The following KCNQ2 variants were observed in gnomAD, a reference collection of about 807,000 sequenced individuals.
KCNQ2 encodes potassium voltage-gated channel subfamily KQT member 2.
A neutral mutation model predicts 84.8 loss-of-function variants in KCNQ2; 14 were observed. The observed-to-expected ratio is 0.17, with a 90% CI of 0.11 to 0.26. The LOEUF (loss-of-function observed/expected upper bound fraction) is 0.26. Among genes scored for constraint, KCNQ2 ranks in the 10% least tolerant of loss-of-function variants. The pLI is 1.00. For missense variants in KCNQ2, 788 were observed against 1,254.0 expected (o/e 0.63, Z 5.61); for synonymous variants, 599 against 554.1 (o/e 1.08, Z -1.14).
chr20:63,406,750 T>C lies in KCNQ2; in HGVS notation c.2513A>G (p.Glu838Gly), dbSNP rs1384676346. Reference protein sequence around the residue: ...AKVRPYIAEGESDTDSDLCTP... With the variant: ...AKVRPYIAEGGSDTDSDLCTP... ...ACAGAGGTCGGAGTCGGTGTCTGAC[T>C]CTCCCTCCGCAATGTAGGGCCTGAC... is the stretch of plus-strand genomic sequence containing the variant. The change falls in exon 17 of 17, where the codon GAG (glutamate) becomes GGG (glycine). Residue 838 changes from glutamate to glycine, a missense_variant. Glu to Gly is a moderately conservative substitution (Grantham distance 98, BLOSUM62 -2). This residue lies in a region of KCNQ2 where 378 missense variants were observed against 434.5 expected (regional missense o/e 0.87). Coordinates refer to ENST00000359125, the MANE Select transcript of KCNQ2 (RefSeq NM_172107.4). The C allele has an allele frequency of 6.2e-7, 1 of 1,611,802 alleles. No individual in the cohort carries two copies. The highest frequency in any genetic ancestry group is 8.5e-7 in the Non-Finnish European group (1 of 1,179,676).
chr20:63,435,070 A>T (rs78665256), intron 7 of KCNQ2, among the ~76,000 whole-genome samples: 1 of 152,100 alleles, frequency 6.6e-6, no homozygotes, highest in Non-Finnish European at 1.5e-5. Context: ...GGCGGTGTCC[A>T]CACATCCTCA....
Position 63,402,507 on chromosome 20 carries a change from T to G in KCNQ2, c.*4137A>C, listed in dbSNP as rs932412461. ...TCTAGAGAGAAGGGGGTGTCCTTTA[T>G]GGGGGTCCCTGACTGTGGGGGACCG... On this transcript the variant is annotated 3_prime_UTR_variant, in exon 17 of 17. Coordinates refer to ENST00000359125, the MANE Select transcript of KCNQ2 (RefSeq NM_172107.4). The G allele has an allele frequency of 1.3e-5, 2 of 152,406 alleles. No homozygotes were observed. The highest frequency in any genetic ancestry group is 4.8e-5 in the African/African-American group (2 of 41,472). The allele number at this position is 152,406 out of a possible 1,614,324, so 9.4% of individuals were successfully genotyped here.
intron 7 of KCNQ2, among the ~76,000 whole-genome samples, chr20:63,435,793 ACT>A (rs2080976029): frequency 6.6e-6 from 1 of 152,078 alleles, no homozygotes. Flanking sequence ...GAGCCAGTGA[ACT>A]CTGTTTCCAA....
intron 1 of KCNQ2, among the ~76,000 whole-genome samples, chr20:63,455,934 G>A (rs566921274): frequency 1.2e-4 from 10 of 85,752 alleles, no homozygotes; most frequent in Non-Finnish European, 1.7e-4. Flanking sequence ...CTCTGCTCAC[G>A]GGCCCCCCAC....
intron 8 of KCNQ2, 106 bp downstream of exon 8, chr20:63,433,703 G>GA (rs752847399): frequency 6.6e-5 from 106 of 1,594,446 alleles, no homozygotes; most frequent in Middle Eastern, 1.7e-4. Flanking sequence ...ACATTTTAAA[G>GA]AAAAAAAATC....
In KCNQ2 at chr20:63,442,674, C is replaced by T. The variant is rs62208025; in HGVS notation, c.691-143G>A. The stretch of plus-strand genomic sequence containing the variant: ...ATCACCACCACCATCACCACCACCA[C>T]CACCACCACCATCACCATCACCACC... On this transcript the variant is annotated intron_variant, in intron 4 of 16. Transcript: ENST00000359125. 225 of 523,072 alleles carry T rather than the reference C, an allele frequency of 4.3e-4. 5 individuals carry two copies. Among genetic ancestry groups the T allele is most frequent in the Admixed American group, 1.6e-3 (51 of 31,878 alleles). 32.4% of individuals were successfully genotyped at this position (523,072 alleles called of 1,614,324 possible). A position where few individuals can be genotyped will look rare whatever the true frequency, so the allele number is the denominator to read the frequency against.
At chr20:63,421,446 G>A (rs1165649874) in intron 11 of KCNQ2, among the ~76,000 whole-genome samples, 1 of 152,204 alleles carries the variant, frequency 6.6e-6, no homozygotes, top group East Asian at 1.9e-4. Flanking sequence ...AGCTTTGTGG[G>A]GGACCCGTGC....
chr20:63,442,080 C>T (rs376852905), intron 5 of KCNQ2, among the ~76,000 whole-genome samples: 3 of 152,332 alleles, frequency 2.0e-5, no homozygotes, highest in African/African-American at 7.2e-5. Context: ...GCCTCTTCTC[C>T]CCTTTCCCCC....
chr20:63,415,120 C>T lies in KCNQ2; in HGVS notation c.1308G>A (p.Lys436=), dbSNP rs1008990254. Residue 436 remains lysine (K), a synonymous_variant, in exon 13 of 17, where the codon AAG becomes AAA. Transcript: ENST00000359125. ...AGAAGACACGATCTTTCAAACTGAC[C>T]TTCTGGCTGCTCCCACGGGAACCGA... The part of the protein sequence containing the change: ...CGCCPGRSSQ[K]VSLKDRVFSS... 3 of 1,592,974 alleles carry T rather than the reference C, an allele frequency of 1.9e-6. No individual in the cohort carries two copies. Among genetic ancestry groups the T allele is most frequent in the Non-Finnish European group, 2.5e-6 (3 of 1,177,984 alleles).
chr20:63,429,090 C>T (rs1440680894), intron 9 of KCNQ2, among the ~76,000 whole-genome samples: 3 of 151,896 alleles, frequency 2.0e-5, no homozygotes, highest in Non-Finnish European at 2.9e-5. Context: ...GGACCAAGTC[C>T]GGGCCCGCCG....
At position 63,404,856 on chromosome 20, in the gene KCNQ2, T is replaced by A. The variant is rs1240982367; in HGVS notation, c.*1788A>T. On this transcript the variant is annotated 3_prime_UTR_variant, in exon 17 of 17. Coordinates refer to ENST00000359125, the MANE Select transcript of KCNQ2 (RefSeq NM_172107.4). ...CTTCCGAGGCCTCCCAGTTGGCACCTTTTTGGGACAGGCTCCAGCACAGGG... is the reference window on the plus strand; with the variant it reads ...CTTCCGAGGCCTCCCAGTTGGCACCATTTTGGGACAGGCTCCAGCACAGGG... The A allele has an allele frequency of 6.6e-6, 1 of 152,274 alleles. No individual in the cohort carries two copies. Among genetic ancestry groups the A allele is most frequent in the African/African-American group, 2.4e-5 (1 of 41,452 alleles). The allele number at this position is 152,274 out of a possible 1,614,324, so 9.4% of individuals were successfully genotyped here.
At position 63,446,841 on chromosome 20, in the gene KCNQ2, G is replaced by A. The variant is rs748342845; in HGVS notation, c.297-4C>T. On this transcript the variant is annotated splice_region_variant and splice_polypyrimidine_tract_variant and intron_variant, in intron 1 of 16. Transcript: ENST00000359125. The surrounding 1 kb of genome is among the most constrained non-coding windows in gnomAD (Gnocchi z 5.5). ...GCAGGAGAAAACCAGGAGGAACCTGGGGGCAGGGAACGCGCGCTCTCAGAC... is the reference window on the plus strand; with the variant it reads ...GCAGGAGAAAACCAGGAGGAACCTGAGGGCAGGGAACGCGCGCTCTCAGAC... The A allele has an allele frequency of 1.2e-6, 2 of 1,613,232 alleles. No individual in the cohort carries two copies. The highest frequency in any genetic ancestry group is 1.7e-5 in the Admixed American group (1 of 60,010).
chr20:63,413,344 C>T, intron 15 of KCNQ2, 106 bp downstream of exon 15: 2 of 1,388,204 alleles, frequency 1.4e-6, no homozygotes, highest in Non-Finnish European at 1.0e-6. Context: ...GGGGAGGAGG[C>T]CCCGCCCACA....
intron 1 of KCNQ2, among the ~76,000 whole-genome samples, chr20:63,448,874 T>C (rs1174080336): frequency 2.0e-5 from 3 of 152,090 alleles, no homozygotes; most frequent in Non-Finnish European, 2.9e-5. Flanking sequence ...CCCCTCATCA[T>C]TGGAGCTTCG....
Position 63,408,241 on chromosome 20 carries a change from G to T in KCNQ2, c.1887+172C>A. 1.2e-6 allele frequency: 1 copy of T among 830,124 alleles called. No homozygotes were observed. The highest frequency in any genetic ancestry group is 1.9e-6 in the Non-Finnish European group (1 of 537,538). The allele number at this position is 830,124 out of a possible 1,614,324, so 51.4% of individuals were successfully genotyped here. A position where few individuals can be genotyped will look rare whatever the true frequency, so the allele number is the denominator to read the frequency against. ...CCAGGCCGGGGGTGGGAGGCTCACGGTGGGGTGTGAGGGGTCTGCACAGAG... is the reference window on the plus strand; with the variant it reads ...CCAGGCCGGGGGTGGGAGGCTCACGTTGGGGTGTGAGGGGTCTGCACAGAG... On this transcript the variant is annotated intron_variant, in intron 16 of 16. Coordinates refer to ENST00000359125, the MANE Select transcript of KCNQ2 (RefSeq NM_172107.4). The surrounding 1 kb of genome is among the most constrained non-coding windows in gnomAD (Gnocchi z 5.0).
At chr20:63,423,921 C>G (rs2080550262) in intron 11 of KCNQ2, 1 of 536,238 alleles carries the variant, frequency 1.9e-6, no homozygotes, top group Admixed American at 3.5e-5. Context: ...TCCCCCACCC[C>G]CGAGAAGCCG....
intron 8 of KCNQ2, 132 bp from the exon 9 acceptor site, chr20:63,431,501 G>A (rs565789915): frequency 3.3e-5 from 34 of 1,021,216 alleles, no homozygotes; most frequent in Admixed American, 1.7e-4. Context: ...ATTAGCACAA[G>A]GGCTGGTTCT....
At chr20:63,432,561 G>A (rs1715772144) in intron 8 of KCNQ2, among the ~76,000 whole-genome samples, 1 of 143,884 alleles carries the variant, frequency 7.0e-6, no homozygotes, top group South Asian at 2.2e-4. Context: ...CACCCTCAGG[G>A]AAGGCTCCAC....
intron 4 of KCNQ2, among the ~76,000 whole-genome samples, chr20:63,443,904 G>A (rs953688781): frequency 3.9e-5 from 6 of 152,194 alleles, no homozygotes; most frequent in African/African-American, 1.4e-4. Flanking sequence ...GCGGCCAGCA[G>A]GGCTGGAGAA....
Sources: allele counts gnomAD v4.1 joint callset (sites outside exome capture counted in the v4.1 genomes callset), GRCh38; gene constraint gnomAD v4.1.1; regional missense constraint gnomAD v4.1.1; non-coding constraint Gnocchi (gnomAD v3.1); transcripts MANE v1.5; gene names NCBI Gene and HGNC (gene_info 2026-07-23, HGNC 2026-07-21).